Variants in PADI2 observed in about 807,000 individuals in gnomAD.
PADI2 encodes protein-arginine deiminase type-2.
Under a neutral mutation model 81.1 loss-of-function variants are expected in PADI2, and 70 were observed. The observed-to-expected ratio is 0.86, with a 90% confidence interval of 0.71 to 1.05. The LOEUF (loss-of-function observed/expected upper bound fraction) is 1.05. Ranked by LOEUF, PADI2 falls within the 50% of genes least tolerant of loss-of-function variation. The pLI is 0.00. For missense variants in PADI2, 853 were observed against 889.9 expected (o/e 0.96, Z 0.53); for synonymous variants, 338 against 358.0 (o/e 0.94, Z 0.63).
Position 17,068,325 on chromosome 1 carries a change from C to T in PADI2, c.*719G>A, listed in dbSNP as rs1414985542. ...AAGTATGCTGGTCTGGGGAGAAATC[C>T]CCATGCATGCGGGGGAGCCTGCATC... is the stretch of plus-strand genomic sequence containing the variant. On this transcript the variant is annotated 3_prime_UTR_variant, in exon 16 of 16. Transcript: ENST00000375486. The T allele has an allele frequency of 6.5e-6, 1 of 152,682 alleles. No individual in the cohort carries two copies. The highest frequency in any genetic ancestry group is 1.9e-4 in the East Asian group (1 of 5,196). 9.5% of individuals were successfully genotyped at this position (152,682 alleles called of 1,614,324 possible).
At chr1:17,074,295 G>C (rs1276654270) in intron 13 of PADI2, among the ~76,000 whole-genome samples, 1 of 151,616 alleles carries the variant, frequency 6.6e-6, no homozygotes, top group Non-Finnish European at 1.5e-5. Context: ...GGGAGGCTGA[G>C]GCAGGAGAAT....
intron 1 of PADI2, among the ~76,000 whole-genome samples, chr1:17,116,034 A>G (rs1931746726): frequency 6.6e-6 from 1 of 152,222 alleles, no homozygotes; most frequent in South Asian, 2.1e-4. Context: ...AGGGCAGCAT[A>G]GTGGTCAATT....
chr1:17,083,268 C>T, intron 9 of PADI2: 1 of 165,290 alleles, frequency 6.0e-6, no homozygotes, highest in Non-Finnish European at 1.3e-5. Flanking sequence ...TTGCTTAAGC[C>T]CGCAAGGCGG....
chr1:17,091,513 C>T (rs1930694890), intron 6 of PADI2, among the ~76,000 whole-genome samples: 1 of 152,098 alleles, frequency 6.6e-6, no homozygotes, highest in Non-Finnish European at 1.5e-5. Context: ...CTGACCTTGA[C>T]TCCCAGCCCT....
chr1:17,068,937 G>A lies in PADI2; in HGVS notation c.*107C>T, dbSNP rs527475840. ...CCCAAATTCCACCCCACGTCCCAAAGGTCTCCCAGCGGGGCTGTCCAGTCC... is the reference window on the plus strand; with the variant it reads ...CCCAAATTCCACCCCACGTCCCAAAAGTCTCCCAGCGGGGCTGTCCAGTCC... On this transcript the variant is annotated 3_prime_UTR_variant, in exon 16 of 16. Coordinates refer to ENST00000375486, the MANE Select transcript of PADI2 (RefSeq NM_007365.3). The A allele has an allele frequency of 1.7e-4, 144 of 866,140 alleles. No homozygotes were observed. The African/African-American group carries it at 2.2e-3, about 13-fold the overall frequency. The allele number at this position is 866,140 out of a possible 1,614,324, so 53.7% of individuals were successfully genotyped here. A position where few individuals can be genotyped will look rare whatever the true frequency, so the allele number is the denominator to read the frequency against.
chr1:17,069,468 T>C (rs1034731665), intron 15 of PADI2, among the ~76,000 whole-genome samples, 191 bp from the exon 16 acceptor site: 1 of 152,238 alleles, frequency 6.6e-6, no homozygotes, highest in Non-Finnish European at 1.5e-5. Flanking sequence ...TCTGCCTCTG[T>C]ATGTATGTGT....
intron 1 of PADI2, among the ~76,000 whole-genome samples, chr1:17,116,554 G>T (rs1258454317): frequency 5.9e-5 from 9 of 152,270 alleles, no homozygotes; most frequent in African/African-American, 1.2e-4. Flanking sequence ...GGGACAGTGG[G>T]CTCGTGGCCA....
chr1:17,111,221 G>A (rs1331606087), intron 1 of PADI2, among the ~76,000 whole-genome samples: 2 of 151,298 alleles, frequency 1.3e-5, no homozygotes, highest in East Asian at 1.9e-4. Context: ...CTGAGTAGCC[G>A]GGATTATAGG....
chr1:17,083,714 T>G lies in PADI2; in HGVS notation c.1050+12A>C. On this transcript the variant is annotated intron_variant, in intron 9 of 15. Transcript: ENST00000375486. ...GGCCATGTCCTTCCCAGCCTGGACC[T>G]GGGCTCCTTACCTGGATCCAGCGAT... 6.4e-7 allele frequency: 1 copy of G among 1,567,446 alleles called. No homozygotes were observed. Among genetic ancestry groups the G allele is most frequent in the Non-Finnish European group, 8.8e-7 (1 of 1,137,322 alleles).
Position 17,100,585 on chromosome 1 carries a change from A to G in PADI2, c.349+2402T>C, listed in dbSNP as rs145971849. ...CAGGCGTGAGCCACTGTGCCCGGCC[A>G]TGACTGTCTTTTATTCTGAGATTAT... On this transcript the variant is annotated intron_variant, in intron 3 of 15. Transcript: ENST00000375486. 2.4e-3 allele frequency among the ~76,000 whole-genome samples: 371 copies of G among 151,770 alleles called. 2 individuals are homozygous for G. The highest frequency in any genetic ancestry group is 8.8e-3 in the African/African-American group (364 of 41,382).
At chr1:17,086,419 G>A (rs1022525061) in intron 7 of PADI2, 102 bp downstream of exon 7, 22 of 989,360 alleles carry the variant, frequency 2.2e-5, no homozygotes, top group Non-Finnish European at 2.9e-5. Flanking sequence ...CCCCTTTGGC[G>A]CTTTGAGCAG....
chr1:17,096,250 T>C (rs1357528116), intron 3 of PADI2, among the ~76,000 whole-genome samples: 1 of 151,864 alleles, frequency 6.6e-6, no homozygotes, highest in Non-Finnish European at 1.5e-5. Flanking sequence ...TGGCTGGGGG[T>C]TGGGGAATGA....
intron 3 of PADI2, among the ~76,000 whole-genome samples, chr1:17,100,808 C>T (rs2746504): frequency 0.064 from 9,785 of 151,776 alleles, 1,022 homozygotes; most frequent in African/African-American, 0.22. Context: ...ACTACAGGTG[C>T]GTGCCACCAC....
At chr1:17,118,747 C>G (rs1333816032) in intron 1 of PADI2, among the ~76,000 whole-genome samples, 5 of 152,194 alleles carry the variant, frequency 3.3e-5, no homozygotes, top group African/African-American at 1.2e-4. Context: ...CCACCAGCAG[C>G]CCCCACAGGG....
rs1355182493 is a variant in PADI2 at position 17,093,561 on chromosome 1, T to A, written c.529+6A>T. 6.4e-7 allele frequency: 1 copy of A among 1,572,392 alleles called. No homozygotes were observed. The highest frequency in any genetic ancestry group is 1.3e-5 in the African/African-American group (1 of 74,122). On this transcript the variant is annotated splice_donor_region_variant and intron_variant, in intron 5 of 15. Coordinates refer to ENST00000375486, the MANE Select transcript of PADI2 (RefSeq NM_007365.3). ...CCTGCCCCCCAAGTGCAGGGCCTGC[T>A]GGCACCTTCCTTGCTGTAGACCTTC...
chr1:17,103,038 C>T lies in PADI2; in HGVS notation c.298G>A (p.Glu100Lys), dbSNP rs140400053. 1.3e-5 allele frequency: 21 copies of T among 1,613,352 alleles called. No individual in the cohort carries two copies. The highest frequency in any genetic ancestry group is 2.2e-5 in the East Asian group (1 of 44,878). ...SDKVTVNYYDEEGSIPIDQAG... is the reference protein window; with the variant it reads ...SDKVTVNYYDKEGSIPIDQAG... ...TGGTCGATGGGAATGCTCCCTTCCT[C>T]GTCATAGTAGTTGACGGTGACCTTG... is the stretch of plus-strand genomic sequence containing the variant. Residue 100 changes from glutamate (E) to lysine (K), a missense_variant, in exon 3 of 16, where the codon GAG (glutamate) becomes AAG (lysine). Glu to Lys is a moderately conservative substitution (Grantham distance 56). Transcript: ENST00000375486.
chr1:17,080,552 T>A (rs1007403737), intron 10 of PADI2, among the ~76,000 whole-genome samples: 1 of 152,050 alleles, frequency 6.6e-6, no homozygotes, highest in African/African-American at 2.4e-5. Flanking sequence ...AGATTTCGGG[T>A]TGGTTTGTTA....
chr1:17,105,819 T>C (rs1931354533), intron 1 of PADI2, among the ~76,000 whole-genome samples: 1 of 152,168 alleles, frequency 6.6e-6, no homozygotes, highest in African/African-American at 2.4e-5. Flanking sequence ...GGACATCTGT[T>C]GAACATGAAA....
In PADI2 at chr1:17,068,954, G is replaced by C; in HGVS notation, c.*90C>G. The C allele has an allele frequency of 9.7e-7, 1 of 1,032,004 alleles. No individual in the cohort carries two copies. Among genetic ancestry groups the C allele is most frequent in the Non-Finnish European group, 1.5e-6 (1 of 656,938 alleles). The allele number at this position is 1,032,004 out of a possible 1,614,324, so 63.9% of individuals were successfully genotyped here. Reference sequence around the variant, plus strand: ...GTCCCAAAGGTCTCCCAGCGGGGCTGTCCAGTCCATGTCAGCAGAAGGCTC... The same window carrying C: ...GTCCCAAAGGTCTCCCAGCGGGGCTCTCCAGTCCATGTCAGCAGAAGGCTC... On this transcript the variant is annotated 3_prime_UTR_variant, in exon 16 of 16. Transcript: ENST00000375486.
Sources: gnomAD v4.1 joint callset for allele counts (sites outside exome capture counted in the v4.1 genomes callset) on GRCh38, gnomAD v4.1.1 for gene constraint, MANE v1.5 for transcripts, NCBI Gene and HGNC (gene_info 2026-07-23, HGNC 2026-07-21) for gene names.